Variants in DLG2 observed in about 807,000 individuals in gnomAD.
DLG2 encodes disks large homolog 2.
A neutral mutation model predicts 132.5 loss-of-function variants in DLG2; 45 were observed. That is an observed-to-expected ratio of 0.34 (90% CI 0.27 to 0.44). The LOEUF (loss-of-function observed/expected upper bound fraction) is 0.44. Ranked by LOEUF, DLG2 falls within the 20% of genes least tolerant of loss-of-function variation. The pLI, the probability that DLG2 is intolerant of heterozygous loss-of-function variation, is 1.00. For synonymous variants in DLG2, 424 were observed against 419.6 expected, an observed-to-expected ratio of 1.01 and a Z score of -0.13; for missense variants, 1,045 against 1,196.9, an observed-to-expected ratio of 0.87 and a Z score of 1.87.
intron 4 of DLG2, among the ~76,000 whole-genome samples, chr11:85,236,916 A>T (rs1275377259): frequency 6.6e-6 from 1 of 152,056 alleles, no homozygotes; most frequent in Non-Finnish European, 1.5e-5. Context: ...GTTAAAGTTA[A>T]GTCAATCCAC....
intron 6 of DLG2, among the ~76,000 whole-genome samples, chr11:85,100,895 T>TTA (rs2070746689): frequency 1.3e-5 from 2 of 152,162 alleles, no homozygotes; most frequent in Non-Finnish European, 1.5e-5. Flanking sequence ...TATTGGAGCA[T>TTA]TATATAGTTT....
At chr11:84,767,480 G>A (rs1292348869) in intron 6 of DLG2, among the ~76,000 whole-genome samples, 4 of 152,034 alleles carry the variant, frequency 2.6e-5, no homozygotes, top group African/African-American at 9.7e-5. Flanking sequence ...GAAAGAAGGT[G>A]CTCATGATAC....
intron 19 of DLG2, among the ~76,000 whole-genome samples, chr11:83,620,793 C>A (rs1402831171): frequency 7.1e-6 from 1 of 139,942 alleles, no homozygotes; most frequent in Non-Finnish European, 1.5e-5. Flanking sequence ...TGGCGTGAAC[C>A]CAGGAGGCGG....
At chr11:84,117,492 T>G (rs909908166) in intron 9 of DLG2, among the ~76,000 whole-genome samples, 10 of 152,218 alleles carry the variant, frequency 6.6e-5, no homozygotes. Flanking sequence ...CAACTCCTAC[T>G]TATAGATTCC....
At chr11:85,351,520 C>A (rs572927418) in intron 3 of DLG2, among the ~76,000 whole-genome samples, 1 of 152,182 alleles carries the variant, frequency 6.6e-6, no homozygotes, top group Non-Finnish European at 1.5e-5. Flanking sequence ...CAGTTTTTGC[C>A]CATTCAGTAT....
intron 6 of DLG2, among the ~76,000 whole-genome samples, chr11:84,887,958 T>C (rs10501580): frequency 0.056 from 8,472 of 152,212 alleles, 273 homozygotes; most frequent in Middle Eastern, 0.12. Flanking sequence ...TACCAATTCA[T>C]TACCTCAAAA....
At chr11:85,338,864 C>T (rs2082301655) in intron 3 of DLG2, among the ~76,000 whole-genome samples, 2 of 152,024 alleles carry the variant, frequency 1.3e-5, no homozygotes, top group South Asian at 4.2e-4. Flanking sequence ...ACCACCGTGC[C>T]CGGCTAATCT....
chr11:84,843,567 C>T (rs1443700090), intron 6 of DLG2, among the ~76,000 whole-genome samples: 1 of 151,768 alleles, frequency 6.6e-6, no homozygotes, highest in African/African-American at 2.4e-5. Context: ...TCCAGGAACC[C>T]TCCCAGACAC....
At chr11:84,139,188 G>C (rs1423157072) in intron 9 of DLG2, among the ~76,000 whole-genome samples, 2 of 152,108 alleles carry the variant, frequency 1.3e-5, no homozygotes, top group Admixed American at 6.6e-5. Context: ...TCTGAGGGCA[G>C]AGACTGTCTC....
chr11:84,482,280 T>G (rs532333339), intron 7 of DLG2, among the ~76,000 whole-genome samples: 2 of 152,256 alleles, frequency 1.3e-5, no homozygotes, highest in South Asian at 2.1e-4. Context: ...AAGCAAACAT[T>G]GGTTCTTTAT....
intron 3 of DLG2, among the ~76,000 whole-genome samples, chr11:85,344,118 G>T (rs1215652683): frequency 1.3e-5 from 2 of 152,102 alleles, no homozygotes; most frequent in African/African-American, 2.4e-5. Flanking sequence ...TTTCAATAAA[G>T]CATTTTACTT....
chr11:83,588,272 C>T (rs566051653), intron 19 of DLG2, among the ~76,000 whole-genome samples: 2,284 of 150,506 alleles, frequency 0.015, 58 homozygotes, highest in African/African-American at 0.048. Context: ...TCTCCCAGCA[C>T]GCAGCTGGAG....
intron 4 of DLG2, among the ~76,000 whole-genome samples, chr11:85,284,764 G>C (rs2078451529): frequency 6.6e-6 from 1 of 151,818 alleles, no homozygotes; most frequent in Non-Finnish European, 1.5e-5. Context: ...AAATTTTAAA[G>C]AATATGATTA....
At chr11:84,381,514 G>T (rs2098749068) in intron 7 of DLG2, among the ~76,000 whole-genome samples, 1 of 152,110 alleles carries the variant, frequency 6.6e-6, no homozygotes, top group Admixed American at 6.6e-5. Context: ...CAAGCAAGTT[G>T]ACTTTATTTC....
chr11:85,551,280 T>C (rs1462827856), intron 3 of DLG2, among the ~76,000 whole-genome samples: 5 of 151,838 alleles, frequency 3.3e-5, no homozygotes, highest in Admixed American at 3.3e-4. Context: ...GCCATTATGT[T>C]CCCCCAAAAG....
chr11:84,928,612 A>G (rs976182906), intron 6 of DLG2, among the ~76,000 whole-genome samples: 1 of 151,926 alleles, frequency 6.6e-6, no homozygotes, highest in Non-Finnish European at 1.5e-5. Context: ...TTTGTAGATC[A>G]TCTAGAACTT....
chr11:83,800,123 T>C (rs1450813359), intron 17 of DLG2, among the ~76,000 whole-genome samples: 1 of 152,272 alleles, frequency 6.6e-6, no homozygotes. Flanking sequence ...TGCAGGCTCA[T>C]TTGACCAGGG....
chr11:85,524,900 G>A (rs2074622717), intron 3 of DLG2: 1 of 152,038 alleles, frequency 6.6e-6, no homozygotes, highest in Non-Finnish European at 1.5e-5. Flanking sequence ...TTGACAGAAA[G>A]AGTATGAGAG....
intron 22 of DLG2, among the ~76,000 whole-genome samples, chr11:83,474,132 G>A (rs921493437): frequency 6.6e-6 from 1 of 152,112 alleles, no homozygotes; most frequent in Non-Finnish European, 1.5e-5. Context: ...TAAGTGGTAT[G>A]TACCCATGGC....
Sources: gnomAD v4.1 joint callset for allele counts (sites outside exome capture counted in the v4.1 genomes callset) on GRCh38, gnomAD v4.1.1 for gene constraint, MANE v1.5 for transcripts, NCBI Gene and HGNC (gene_info 2026-07-23, HGNC 2026-07-21) for gene names.